The following HIVEP3 variants were observed in gnomAD, a reference collection of about 807,000 sequenced individuals.
HIVEP3 encodes transcription factor HIVEP3.
In HIVEP3, 49 loss-of-function variants were observed where a neutral mutation model predicts 152.8. The observed-to-expected ratio is 0.32, with a 90% CI of 0.26 to 0.41. The LOEUF (loss-of-function observed/expected upper bound fraction) is 0.41, where lower values mean the gene tolerates loss of function less well. Among genes scored for constraint, HIVEP3 ranks in the 10% least tolerant of loss-of-function variants. The pLI is 1.00. For synonymous variants in HIVEP3, 1,269 were observed against 1,289.0 expected (o/e 0.98, Z 0.33); for missense variants, 2,790 against 3,103.3 (o/e 0.90, Z 2.40).
chr1:41,690,309 G>C (rs761104804), intron 2 of HIVEP3, among the ~76,000 whole-genome samples: 1 of 152,258 alleles, frequency 6.6e-6, no homozygotes, highest in African/African-American at 2.4e-5. Context: ...AAACATGGCT[G>C]GCTCAAGGGG....
chr1:41,703,185 G>A (rs112104414), intron 1 of HIVEP3, among the ~76,000 whole-genome samples: 1 of 152,314 alleles, frequency 6.6e-6, no homozygotes, highest in South Asian at 2.1e-4. Flanking sequence ...AGTGGGAAAC[G>A]GACCAAGGCT....
intron 1 of HIVEP3, among the ~76,000 whole-genome samples, chr1:41,829,895 C>T (rs1478158820): frequency 2.0e-5 from 3 of 151,996 alleles, no homozygotes; most frequent in African/African-American, 7.2e-5. Context: ...ACAGTATAAG[C>T]ATTCAATAAG....
intron 1 of HIVEP3, among the ~76,000 whole-genome samples, chr1:41,794,856 C>T (rs1338487488): frequency 6.6e-6 from 1 of 152,138 alleles, no homozygotes; most frequent in Non-Finnish European, 1.5e-5. Flanking sequence ...TGCAGAGTTT[C>T]CATATACCCT....
chr1:41,709,920 G>A (rs1052018066), intron 1 of HIVEP3, among the ~76,000 whole-genome samples: 1 of 152,162 alleles, frequency 6.6e-6, no homozygotes, highest in African/African-American at 2.4e-5. Context: ...GTGATGAATA[G>A]GCATTTTGGA....
At chr1:41,887,178 G>A (rs1214756018) in intron 1 of HIVEP3, among the ~76,000 whole-genome samples, 1 of 150,684 alleles carries the variant, frequency 6.6e-6, no homozygotes, top group Non-Finnish European at 1.5e-5. Flanking sequence ...TGATCAAAGT[G>A]TATTCAGCCA....
At chr1:41,974,312 T>G (rs1021921466) in intron 1 of HIVEP3, among the ~76,000 whole-genome samples, 6 of 152,144 alleles carry the variant, frequency 3.9e-5, no homozygotes, top group African/African-American at 1.4e-4. Flanking sequence ...AGCTCTACTC[T>G]GTGCCCATCC....
intron 3 of HIVEP3, among the ~76,000 whole-genome samples, chr1:41,590,047 C>T (rs1212772438): frequency 6.6e-6 from 1 of 152,180 alleles, no homozygotes; most frequent in Non-Finnish European, 1.5e-5. Flanking sequence ...GTACAACACT[C>T]TGTGTGTGTG....
chr1:41,904,463 G>A (rs1307028840), intron 1 of HIVEP3, among the ~76,000 whole-genome samples: 1 of 152,190 alleles, frequency 6.6e-6, no homozygotes, highest in Non-Finnish European at 1.5e-5. Context: ...ACCTACTGCT[G>A]TAAGGTAAAA....
intron 1 of HIVEP3, among the ~76,000 whole-genome samples, chr1:42,009,284 G>A (rs1424923874): frequency 1.3e-5 from 2 of 152,038 alleles, no homozygotes; most frequent in African/African-American, 4.8e-5. Context: ...GAATAATGTC[G>A]TTTCCCCTGT....
intron 5 of HIVEP3, among the ~76,000 whole-genome samples, chr1:41,561,589 T>C (rs1346038931): frequency 1.3e-5 from 2 of 151,978 alleles, no homozygotes; most frequent in African/African-American, 4.8e-5. Context: ...CATGGCTTAC[T>C]GCAACCTTGA....
chr1:41,638,423 AAAAGGAAG>A (rs1252051671), intron 2 of HIVEP3, among the ~76,000 whole-genome samples: 1 of 151,844 alleles, frequency 6.6e-6, no homozygotes, highest in Non-Finnish European at 1.5e-5. Flanking sequence ...AGTAAGGAAG[AAAAGGAAG>A]AAAGAAAGAA....
intron 1 of HIVEP3, among the ~76,000 whole-genome samples, chr1:41,940,268 G>A (rs1387849615): frequency 6.6e-6 from 1 of 152,142 alleles, no homozygotes; most frequent in Non-Finnish European, 1.5e-5. Flanking sequence ...TGATGAGTGA[G>A]TCATTAAGTT....
At chr1:41,724,943 C>A (rs1646731279) in intron 1 of HIVEP3, among the ~76,000 whole-genome samples, 1 of 152,236 alleles carries the variant, frequency 6.6e-6, no homozygotes, top group African/African-American at 2.4e-5. Flanking sequence ...TGGCATCTCC[C>A]ACCTGAAGTT....
At chr1:41,931,519 T>C (rs1644995633) in intron 1 of HIVEP3, among the ~76,000 whole-genome samples, 1 of 152,066 alleles carries the variant, frequency 6.6e-6, no homozygotes, top group Non-Finnish European at 1.5e-5. Flanking sequence ...AGTCTCAAAA[T>C]TGGGTACTGT....
intron 1 of HIVEP3, among the ~76,000 whole-genome samples, chr1:41,769,928 G>A (rs1648241459): frequency 1.3e-5 from 2 of 152,188 alleles, no homozygotes; most frequent in South Asian, 4.1e-4. Flanking sequence ...AATGGCAGCA[G>A]GCAAGATTCA....
intron 2 of HIVEP3, 101 bp downstream of exon 2, chr1:41,700,815 A>G: frequency 2.6e-6 from 1 of 388,164 alleles, no homozygotes; most frequent in Non-Finnish European, 3.5e-6. Flanking sequence ...GCCCGAGGCT[A>G]AGGTCATTCC....
At chr1:41,788,887 C>T (rs901243527) in intron 1 of HIVEP3, among the ~76,000 whole-genome samples, 1 of 152,220 alleles carries the variant, frequency 6.6e-6, no homozygotes, top group African/African-American at 2.4e-5. Flanking sequence ...AGCTTTCTTC[C>T]CTCTGAGGCC....
At chr1:41,738,167 C>T (rs1646945970) in intron 1 of HIVEP3, among the ~76,000 whole-genome samples, 1 of 152,338 alleles carries the variant, frequency 6.6e-6, no homozygotes, top group East Asian at 1.9e-4. Flanking sequence ...AAGGCCTGCC[C>T]CAGGCCTTGG....
In HIVEP3 at chr1:41,582,306, G is replaced by T; in HGVS notation, c.2492C>A (p.Pro831His). The T allele has an allele frequency of 6.2e-7, 1 of 1,614,174 alleles. No individual in the cohort carries two copies. Among genetic ancestry groups the T allele is most frequent in the Non-Finnish European group, 8.5e-7 (1 of 1,180,010 alleles). ...EDKPLAQFPS[P>H]PPAPHGRSAH... The stretch of plus-strand genomic sequence containing the variant: ...AGAGCGTCCGTGTGGGGCAGGTGGG[G>T]GTGATGGGAACTGGGCCAGAGGTTT... Residue 831 changes from proline to histidine, a missense_variant, in exon 4 of 9, where the codon CCC becomes CAC. This residue lies in a region of HIVEP3 where 1,078 missense variants were observed against 1,165.3 expected (regional missense o/e 0.93). Transcript: ENST00000372583. This position sits in a 1 kb window ranked among gnomAD's most constrained non-coding sequence, Gnocchi z 4.7.
Sources: gnomAD v4.1 joint callset for allele counts (sites outside exome capture counted in the v4.1 genomes callset) on GRCh38, gnomAD v4.1.1 for gene constraint, gnomAD v4.1.1 regional missense constraint, Gnocchi (gnomAD v3.1) non-coding constraint, MANE v1.5 for transcripts, NCBI Gene and HGNC (gene_info 2026-07-23, HGNC 2026-07-21) for gene names.